Variants in RUNX1 observed in about 807,000 individuals in gnomAD.
RUNX1 encodes the protein runt-related transcription factor 1.
A neutral mutation model predicts 42.8 loss-of-function variants in RUNX1; 19 were observed. That is an observed-to-expected ratio of 0.44 (90% confidence interval 0.31 to 0.65). RUNX1 has a LOEUF of 0.65. RUNX1 is among the 30% of genes least tolerant of loss of function. The pLI, the probability that RUNX1 is intolerant of heterozygous loss-of-function variation, is 0.07. For synonymous variants in RUNX1, 271 were observed against 289.4 expected, an observed-to-expected ratio of 0.94 and a Z score of 0.64; for missense variants, 528 against 672.0, an observed-to-expected ratio of 0.79 and a Z score of 2.37.
chr21:34,907,454 C>CT lies in RUNX1; in HGVS notation c.59-14492dup, dbSNP rs201647336. Among the ~76,000 whole-genome samples, 2,690 of 152,172 alleles carry CT rather than the reference C, an allele frequency of 0.018. 77 individuals are homozygous for CT. Among genetic ancestry groups the CT allele is most frequent in the African/African-American group, 0.057 (2,366 of 41,514 alleles). On this transcript the variant is annotated intron_variant, in intron 2 of 8. Transcript: ENST00000675419. This position sits in a 1 kb window ranked among gnomAD's most constrained non-coding sequence, Gnocchi z 5.3. ...AGGGTGAATACTGCTTCCTGAAGCT[C>CT]TTTTTTTGATTGATGTATCTCCCCT... is the stretch of plus-strand genomic sequence containing the variant.
rs1016294162 is a variant in RUNX1 at position 34,843,695 on chromosome 21, C to T, written c.614-9094G>A. ...CCCTCCCCAGCCCCCCTGCACCATG[C>T]GCCCAAGACTCACGGGACAAAAACC... On this transcript the variant is annotated intron_variant, in intron 6 of 8. Coordinates refer to ENST00000675419, the MANE Select transcript of RUNX1 (RefSeq NM_001754.5). The surrounding 1 kb of genome is among the most constrained non-coding windows in gnomAD (Gnocchi z 4.8). 6.6e-6 allele frequency among the ~76,000 whole-genome samples: 1 copy of T among 151,208 alleles called. No individual in the cohort carries two copies.
At chr21:34,909,120 G>C (rs2058250536) in intron 2 of RUNX1, among the ~76,000 whole-genome samples, 1 of 152,148 alleles carries the variant, frequency 6.6e-6, no homozygotes, top group South Asian at 2.1e-4. Flanking sequence ...CGCATTGCAG[G>C]TAGGGCTAAT....
chr21:34,986,636 C>T (rs1355291556), intron 2 of RUNX1, among the ~76,000 whole-genome samples: 1 of 150,438 alleles, frequency 6.6e-6, no homozygotes, highest in African/African-American at 2.5e-5. Context: ...CAGGGGTACA[C>T]AGAGAGATGC....
chr21:34,843,683 C>T lies in RUNX1; in HGVS notation c.614-9082G>A, dbSNP rs536391002. 2.0e-5 allele frequency among the ~76,000 whole-genome samples: 3 copies of T among 152,158 alleles called. No individual in the cohort carries two copies. Among genetic ancestry groups the T allele is most frequent in the Non-Finnish European group, 4.4e-5 (3 of 68,034 alleles). ...ACACAGGCCTGCCCCTCCCCAGCCC[C>T]CCTGCACCATGCGCCCAAGACTCAC... On this transcript the variant is annotated intron_variant, in intron 6 of 8. Coordinates refer to ENST00000675419, the MANE Select transcript of RUNX1 (RefSeq NM_001754.5). The surrounding 1 kb of genome is among the most constrained non-coding windows in gnomAD (Gnocchi z 4.8).
intron 2 of RUNX1, among the ~76,000 whole-genome samples, chr21:34,984,021 TC>T (rs1456206207): frequency 6.6e-6 from 1 of 152,108 alleles, no homozygotes; most frequent in East Asian, 1.9e-4. Flanking sequence ...GTGGATGTGT[TC>T]AGAAGTCAAT....
intron 5 of RUNX1, among the ~76,000 whole-genome samples, chr21:34,871,250 A>G (rs1321094304): frequency 6.6e-6 from 1 of 152,172 alleles, no homozygotes; most frequent in Non-Finnish European, 1.5e-5. Context: ...GCAACTCGTG[A>G]GCTCTGTGCA....
chr21:34,982,715 G>A (rs745819337), intron 2 of RUNX1, among the ~76,000 whole-genome samples: 16 of 152,120 alleles, frequency 1.1e-4, no homozygotes, highest in South Asian at 4.2e-4. Context: ...GATTACAGGC[G>A]CGTGCCACAA....
At chr21:34,908,058 T>TA (rs367861892) in intron 2 of RUNX1, among the ~76,000 whole-genome samples, 69 of 152,166 alleles carry the variant, frequency 4.5e-4, no homozygotes, top group African/African-American at 1.6e-3. Context: ...GCTACTTCTT[T>TA]AAAAAAGGGA....
At chr21:34,947,293 C>A (rs1261790623) in intron 2 of RUNX1, among the ~76,000 whole-genome samples, 1 of 152,124 alleles carries the variant, frequency 6.6e-6, no homozygotes, top group Non-Finnish European at 1.5e-5. Context: ...TACCATTACT[C>A]TCAGCTATGT....
At chr21:34,976,645 G>C (rs867333723) in intron 2 of RUNX1, among the ~76,000 whole-genome samples, 11 of 152,138 alleles carry the variant, frequency 7.2e-5, no homozygotes, top group South Asian at 4.1e-4. Context: ...CAATCTCCTA[G>C]CCAAATAGGT....
intron 5 of RUNX1, among the ~76,000 whole-genome samples, chr21:34,872,459 A>C (rs1233785861): frequency 6.6e-6 from 1 of 152,222 alleles, no homozygotes; most frequent in African/African-American, 2.4e-5. Flanking sequence ...GGATGGTGCA[A>C]TTCTATGCAT....
chr21:35,031,463 A>G (rs949017067), intron 2 of RUNX1, among the ~76,000 whole-genome samples: 36 of 152,198 alleles, frequency 2.4e-4, no homozygotes, highest in African/African-American at 8.2e-4. Context: ...GTTCCCCCCA[A>G]AATTAAAAAT....
chr21:34,998,434 A>C (rs1569144327), intron 2 of RUNX1, among the ~76,000 whole-genome samples: 1 of 151,058 alleles, frequency 6.6e-6, no homozygotes, highest in Non-Finnish European at 1.5e-5. Context: ...CCTCCTCCTC[A>C]GAGAATTTTA....
At chr21:34,994,179 C>A (rs1044608396) in intron 2 of RUNX1, among the ~76,000 whole-genome samples, 1 of 146,322 alleles carries the variant, frequency 6.8e-6, no homozygotes, top group Admixed American at 6.8e-5. Flanking sequence ...AGTACCAGAA[C>A]ATCTAGACGG....
rs181731598 is a variant in RUNX1, at chr21:34,847,043, A to T, written c.613+12431T>A. 9.0e-4 allele frequency among the ~76,000 whole-genome samples: 137 copies of T among 152,350 alleles called. 1 individual carries two copies. Among genetic ancestry groups the T allele is most frequent in the African/African-American group, 2.9e-3 (122 of 41,564 alleles). On this transcript the variant is annotated intron_variant, in intron 6 of 8. Coordinates refer to ENST00000675419, the MANE Select transcript of RUNX1 (RefSeq NM_001754.5). ...GCATATATAAAAAGCCACAGGGGAA[A>T]AAAGGAATACGGACTCAGCAACTCT...
Position 34,787,833 on chromosome 21 carries a change from G to A in RUNX1, c.*4302C>T. Reference sequence around the variant, plus strand: ...TATGTACTTGTCAAACTGTTTATTTGCCATTCACACTGATTGTAACACTGG... The same window carrying A: ...TATGTACTTGTCAAACTGTTTATTTACCATTCACACTGATTGTAACACTGG... On this transcript the variant is annotated 3_prime_UTR_variant, in exon 9 of 9. Transcript: ENST00000675419. The A allele has an allele frequency of 4.3e-6, 1 of 232,614 alleles. No homozygotes were observed. The highest frequency in any genetic ancestry group is 6.1e-5 in the East Asian group (1 of 16,516). 14.4% of individuals were successfully genotyped at this position (232,614 alleles called of 1,614,324 possible). A position where few individuals can be genotyped will look rare whatever the true frequency, so the allele number is the denominator to read the frequency against.
chr21:34,996,733 AT>A (rs1444563569), intron 2 of RUNX1, among the ~76,000 whole-genome samples: 1 of 152,128 alleles, frequency 6.6e-6, no homozygotes. Flanking sequence ...AGAGATCCTC[AT>A]TAAAGAAAGT....
chr21:34,957,515 C>T (rs2058653051), intron 2 of RUNX1, among the ~76,000 whole-genome samples: 1 of 152,110 alleles, frequency 6.6e-6, no homozygotes, highest in Non-Finnish European at 1.5e-5. Context: ...GCCTGTGTAC[C>T]TCTCCAGTGC....
chr21:34,953,934 C>G (rs1385450898), intron 2 of RUNX1, among the ~76,000 whole-genome samples: 2 of 152,198 alleles, frequency 1.3e-5, no homozygotes, highest in African/African-American at 4.8e-5. Flanking sequence ...CAAAAGAAAG[C>G]CTGGACTCCA....
Sources: gnomAD v4.1 joint callset for allele counts (sites outside exome capture counted in the v4.1 genomes callset) on GRCh38, gnomAD v4.1.1 for gene constraint, Gnocchi (gnomAD v3.1) non-coding constraint, MANE v1.5 for transcripts, NCBI Gene and HGNC (gene_info 2026-07-23, HGNC 2026-07-21) for gene names.